The following CUL3 variants were observed in gnomAD, a reference collection of about 807,000 sequenced individuals.
The protein encoded by CUL3 is cullin-3.
In CUL3, 19 loss-of-function variants were observed where a neutral mutation model predicts 89.1. That is an observed-to-expected ratio of 0.21 (90% CI 0.15 to 0.31). The LOEUF (loss-of-function observed/expected upper bound fraction) is 0.31, where lower values mean the gene tolerates loss of function less well. Ranked by LOEUF, CUL3 falls within the 10% of genes least tolerant of loss-of-function variation. CUL3 has a pLI of 1.00. For missense variants in CUL3, 469 were observed against 942.3 expected (o/e 0.50, Z 6.58); for synonymous variants, 351 against 308.4 (o/e 1.14, Z -1.45).
intron 3 of CUL3, among the ~76,000 whole-genome samples, chr2:224,522,835 C>A (rs1829922): frequency 0.18 from 27,128 of 149,380 alleles, 2,840 homozygotes; most frequent in South Asian, 0.27. Context: ...CTCAAAAAAA[C>A]AATCCTTCTC....
In CUL3 at chr2:224,470,782, A is replaced by C. The variant is rs76433087; in HGVS notation, c.*3463T>G. The C allele has an allele frequency of 4.3e-6, 1 of 231,632 alleles. No homozygotes were observed. Among genetic ancestry groups the C allele is most frequent in the African/African-American group, 2.2e-5 (1 of 45,284 alleles). The allele number at this position is 231,632 out of a possible 1,614,324, so 14.3% of individuals were successfully genotyped here. ...AGCTAACAAAAATGTGCAAAATTCC[A>C]TATTGCAATGCTTCATGTATTAACT... On this transcript the variant is annotated 3_prime_UTR_variant, in exon 16 of 16. Transcript: ENST00000264414.
chr2:224,515,916 C>T (rs1007259744), intron 3 of CUL3, among the ~76,000 whole-genome samples: 1 of 152,066 alleles, frequency 6.6e-6, no homozygotes, highest in African/African-American at 2.4e-5. Flanking sequence ...CTCGAAAGTC[C>T]TGACCTCAAG....
At chr2:224,560,904 G>A (rs550233674) in intron 1 of CUL3, among the ~76,000 whole-genome samples, 1 of 151,810 alleles carries the variant, frequency 6.6e-6, no homozygotes, top group Admixed American at 6.6e-5. Context: ...CCTTTTGTTC[G>A]CTCTGCTCCA....
intron 1 of CUL3, among the ~76,000 whole-genome samples, chr2:224,567,599 G>A (rs1695074388): frequency 6.6e-6 from 1 of 152,054 alleles, no homozygotes; most frequent in Admixed American, 6.6e-5. Flanking sequence ...AATTAGCCGG[G>A]TGTGGTGGTG....
chr2:224,479,268 C>T (rs1027515561), intron 14 of CUL3: 1 of 151,892 alleles, frequency 6.6e-6, no homozygotes, highest in African/African-American at 2.4e-5. Context: ...GTGTGCGTAT[C>T]CATTCAACTG....
chr2:224,546,675 G>GT (rs1201108151), intron 2 of CUL3, among the ~76,000 whole-genome samples: 1 of 151,448 alleles, frequency 6.6e-6, no homozygotes, highest in African/African-American at 2.4e-5. Flanking sequence ...GATGGGGGGG[G>GT]GTACTTGCCC....
chr2:224,499,986 T>G lies in CUL3; in HGVS notation c.1610+377A>C, dbSNP rs772328773. ...CCATCTCAGAGACTCTGAGTACTAG[T>G]GGGAATAAGGTATCCACGTATTTCC... On this transcript the variant is annotated intron_variant, in intron 11 of 15. Coordinates refer to ENST00000264414, the MANE Select transcript of CUL3 (RefSeq NM_003590.5). The G allele has an allele frequency of 6.3e-4, 99 of 158,058 alleles. 2 individuals are homozygous for G. The highest frequency in any genetic ancestry group is 2.1e-4 in the Non-Finnish European group (15 of 71,820). The allele number at this position is 158,058 out of a possible 1,614,324, so 9.8% of individuals were successfully genotyped here.
chr2:224,512,245 G>A (rs898735146), intron 5 of CUL3, among the ~76,000 whole-genome samples: 3 of 151,862 alleles, frequency 2.0e-5, no homozygotes, highest in African/African-American at 4.8e-5. Flanking sequence ...ACAGGCGCCC[G>A]CCACCACGCC....
At chr2:224,498,708 T>G (rs1391205391) in intron 11 of CUL3, among the ~76,000 whole-genome samples, 4 of 152,200 alleles carry the variant, frequency 2.6e-5, no homozygotes, top group South Asian at 2.1e-4. Flanking sequence ...GATCATGCAG[T>G]TGACCAGGGT....
rs1693698296 is a variant in CUL3 at position 224,531,559 on chromosome 2, C to T, written c.378+3969G>A. Among the ~76,000 whole-genome samples the T allele has an allele frequency of 2.0e-5, 3 of 152,012 alleles. 1 individual carries two copies. The highest frequency in any genetic ancestry group is 7.3e-5 in the African/African-American group (3 of 41,366). Reference sequence around the variant, plus strand: ...ATAGTACACAAACACTGTTTCCATCCTCATACACTCCACTGGGCAAACTAC... The same window carrying T: ...ATAGTACACAAACACTGTTTCCATCTTCATACACTCCACTGGGCAAACTAC... On this transcript the variant is annotated intron_variant, in intron 3 of 15. Coordinates refer to ENST00000264414, the MANE Select transcript of CUL3 (RefSeq NM_003590.5).
At chr2:224,535,425 C>T in intron 3 of CUL3, 103 bp downstream of exon 3, 1 of 700,772 alleles carries the variant, frequency 1.4e-6, no homozygotes, top group South Asian at 1.9e-5. Context: ...CCACCTTGGC[C>T]TCCCAAAGTG....
At chr2:224,571,852 C>CA (rs1695187679) in intron 1 of CUL3, among the ~76,000 whole-genome samples, 3 of 152,162 alleles carry the variant, frequency 2.0e-5, no homozygotes, top group Admixed American at 2.0e-4. Flanking sequence ...TATGTATAAA[C>CA]ACAATTGTCT....
chr2:224,514,514 T>G (rs1167269718), intron 4 of CUL3, 98 bp downstream of exon 4: 1 of 1,075,514 alleles, frequency 9.3e-7, no homozygotes, highest in African/African-American at 1.6e-5. Context: ...TGCTCAACAT[T>G]CAAACTTTTA....
At chr2:224,559,426 C>T (rs72974222) in intron 1 of CUL3, among the ~76,000 whole-genome samples, 42,506 of 146,570 alleles carry the variant, frequency 0.29, 6,360 homozygotes, top group Middle Eastern at 0.42. Context: ...GCACTCCAGC[C>T]TAGGTGACAG....
chr2:224,534,705 G>A (rs984603522), intron 3 of CUL3, among the ~76,000 whole-genome samples: 2 of 152,062 alleles, frequency 1.3e-5, no homozygotes, highest in South Asian at 2.1e-4. Flanking sequence ...ATTCATGGCC[G>A]GGCACAGTGG....
chr2:224,519,614 C>T (rs544712787), intron 3 of CUL3, among the ~76,000 whole-genome samples: 1 of 152,146 alleles, frequency 6.6e-6, no homozygotes, highest in South Asian at 2.1e-4. Flanking sequence ...AAGTGTGGCT[C>T]TATAAAACTA....
At chr2:224,569,750 G>T in intron 1 of CUL3, 1 of 1,211,624 alleles carries the variant, frequency 8.3e-7, no homozygotes, top group Non-Finnish European at 1.1e-6. Flanking sequence ...AAAACTAAAT[G>T]AAAAGAAGTG....
chr2:224,550,477 C>T (rs932603527), intron 2 of CUL3, among the ~76,000 whole-genome samples: 3 of 152,044 alleles, frequency 2.0e-5, no homozygotes, highest in Non-Finnish European at 4.4e-5. Context: ...GTTCACAATT[C>T]CCAAATACAC....
intron 3 of CUL3, among the ~76,000 whole-genome samples, chr2:224,521,622 G>T (rs887458971): frequency 6.6e-6 from 1 of 151,700 alleles, no homozygotes; most frequent in African/African-American, 2.4e-5. Flanking sequence ...GTAGAGTTGG[G>T]GTTTCACCAT....
Sources: gnomAD v4.1 joint callset for allele counts (sites outside exome capture counted in the v4.1 genomes callset) on GRCh38, gnomAD v4.1.1 for gene constraint, MANE v1.5 for transcripts, NCBI Gene and HGNC (gene_info 2026-07-23, HGNC 2026-07-21) for gene names.